Variants in SYNDIG1 observed in about 807,000 individuals in gnomAD.
The protein encoded by SYNDIG1 is synapse differentiation inducing 1, also known as synapse differentiation-inducing gene protein 1.
In SYNDIG1, 9 loss-of-function variants were observed where a neutral mutation model predicts 19.4. The observed-to-expected ratio is 0.46, with a 90% CI of 0.28 to 0.81. The LOEUF (loss-of-function observed/expected upper bound fraction) is 0.81, where lower values mean the gene tolerates loss of function less well. Among genes scored for constraint, SYNDIG1 ranks in the 30% least tolerant of loss-of-function variants. The pLI is 0.12. For synonymous variants in SYNDIG1, 141 were observed against 145.9 expected (o/e 0.97, Z 0.24); for missense variants, 311 against 343.3 (o/e 0.91, Z 0.74).
intron 1 of SYNDIG1, among the ~76,000 whole-genome samples, chr20:24,519,735 C>G (rs202018188): frequency 6.6e-6 from 1 of 152,262 alleles, no homozygotes; most frequent in African/African-American, 2.4e-5. Flanking sequence ...ATGCAACCCT[C>G]AGTGCATAGT....
intron 2 of SYNDIG1, among the ~76,000 whole-genome samples, chr20:24,558,926 T>A (rs1011408194): frequency 6.6e-6 from 1 of 152,260 alleles, no homozygotes; most frequent in Admixed American, 6.5e-5. Flanking sequence ...CTTTTAAAAA[T>A]TATAACAAGG....
chr20:24,469,934 G>C (rs908421876), intron 1 of SYNDIG1, among the ~76,000 whole-genome samples, 181 bp downstream of exon 1: 1 of 151,862 alleles, frequency 6.6e-6, no homozygotes, highest in African/African-American at 2.4e-5. Context: ...CGGTAAGTCC[G>C]GGTGGTCGCC....
intron 1 of SYNDIG1, among the ~76,000 whole-genome samples, chr20:24,526,107 C>T (rs540734211): frequency 1.4e-4 from 21 of 152,048 alleles, no homozygotes; most frequent in Non-Finnish European, 2.2e-4. Flanking sequence ...ATTCCATGTC[C>T]GTATGCTTTA....
At chr20:24,502,946 T>A (rs2056491517) in intron 1 of SYNDIG1, among the ~76,000 whole-genome samples, 1 of 152,190 alleles carries the variant, frequency 6.6e-6, no homozygotes, top group South Asian at 2.1e-4. Flanking sequence ...CTCTGGGAAA[T>A]TAAGTAGATA....
rs1030442221 is a variant in SYNDIG1, at chr20:24,658,359, G to A, written c.619-6987G>A. ...ACTGGAGCTCGGTGGAGTGGACTCT[G>A]CCTCGGGGTCACTGAGAACTGGGTC... is the stretch of plus-strand genomic sequence containing the variant. On this transcript the variant is annotated intron_variant, in intron 3 of 3. Coordinates refer to ENST00000376862, the MANE Select transcript of SYNDIG1 (RefSeq NM_024893.3). The surrounding 1 kb of genome is among the most constrained non-coding windows in gnomAD (Gnocchi z 4.4). Among the ~76,000 whole-genome samples the A allele has an allele frequency of 2.6e-5, 4 of 151,982 alleles. No homozygotes were observed. The highest frequency in any genetic ancestry group is 9.7e-5 in the African/African-American group (4 of 41,350).
intron 3 of SYNDIG1, among the ~76,000 whole-genome samples, chr20:24,665,003 T>C (rs3746326): frequency 0.3 from 45,348 of 152,112 alleles, 7,587 homozygotes; most frequent in East Asian, 0.63. Flanking sequence ...TAGAGGAGTC[T>C]TATCTAGCCC....
intron 3 of SYNDIG1, among the ~76,000 whole-genome samples, chr20:24,587,959 A>G (rs2058445574): frequency 6.6e-6 from 1 of 152,248 alleles, no homozygotes; most frequent in Non-Finnish European, 1.5e-5. Context: ...ATGCCAAGCC[A>G]TTACAGAAAA....
chr20:24,665,558 G>A lies in SYNDIG1; in HGVS notation c.*54G>A. The stretch of plus-strand genomic sequence containing the variant: ...GGGGCCAGGTCTGTGTGGACGTGGA[G>A]GAAGCAGGCATACCGCATGATGCTG... On this transcript the variant is annotated 3_prime_UTR_variant, in exon 4 of 4. Transcript: ENST00000376862. 1 of 1,607,618 alleles carries A rather than the reference G, an allele frequency of 6.2e-7. No individual in the cohort carries two copies. The highest frequency in any genetic ancestry group is 1.1e-5 in the South Asian group (1 of 90,020).
intron 1 of SYNDIG1, chr20:24,491,475 C>T (rs944492948): frequency 4.6e-5 from 7 of 152,382 alleles, no homozygotes; most frequent in South Asian, 4.1e-4. Context: ...ATTCTGACAG[C>T]GCAGGGCCTG....
chr20:24,588,897 G>C (rs1249382996), intron 3 of SYNDIG1, among the ~76,000 whole-genome samples: 2 of 150,922 alleles, frequency 1.3e-5, no homozygotes, highest in Non-Finnish European at 3.0e-5. Flanking sequence ...GGAGCTAGCA[G>C]GATGTGCAGG....
intron 3 of SYNDIG1, among the ~76,000 whole-genome samples, chr20:24,642,056 T>G (rs1469836028): frequency 2.0e-5 from 3 of 152,188 alleles, no homozygotes; most frequent in South Asian, 2.1e-4. Context: ...CCATAATAGA[T>G]TCCTTCAAGA....
chr20:24,664,325 C>G (rs1011985463), intron 3 of SYNDIG1, among the ~76,000 whole-genome samples: 2 of 152,142 alleles, frequency 1.3e-5, no homozygotes, highest in Non-Finnish European at 2.9e-5. Context: ...CCCATACTCA[C>G]CTATAAAACC....
intron 2 of SYNDIG1, among the ~76,000 whole-genome samples, chr20:24,571,777 G>GTT (rs1293484389): frequency 6.6e-6 from 1 of 152,124 alleles, no homozygotes; most frequent in African/African-American, 2.4e-5. Context: ...CTATAATTTG[G>GTT]TTTTACACAG....
chr20:24,534,399 T>C (rs1488124960), intron 1 of SYNDIG1, among the ~76,000 whole-genome samples: 3 of 152,166 alleles, frequency 2.0e-5, no homozygotes, highest in Admixed American at 6.5e-5. Context: ...GCTCCGGGGC[T>C]CCTGCCTGGC....
intron 3 of SYNDIG1, among the ~76,000 whole-genome samples, chr20:24,642,854 C>T (rs1248216924): frequency 6.6e-6 from 1 of 152,068 alleles, no homozygotes; most frequent in Non-Finnish European, 1.5e-5. Flanking sequence ...AAGATCTGGG[C>T]ACTGGGTGTG....
At chr20:24,510,158 C>G (rs2056706451) in intron 1 of SYNDIG1, among the ~76,000 whole-genome samples, 1 of 152,184 alleles carries the variant, frequency 6.6e-6, no homozygotes, top group South Asian at 2.1e-4. Context: ...CACCTCATTT[C>G]TTTATAAATT....
intron 1 of SYNDIG1, among the ~76,000 whole-genome samples, chr20:24,535,789 T>C (rs929677415): frequency 2.6e-5 from 4 of 152,178 alleles, no homozygotes; most frequent in Admixed American, 6.5e-5. Flanking sequence ...TGTAGTCTTG[T>C]TATTAAGCAT....
At chr20:24,648,002 T>G (rs1052410045) in intron 3 of SYNDIG1, among the ~76,000 whole-genome samples, 2 of 152,026 alleles carry the variant, frequency 1.3e-5, no homozygotes, top group African/African-American at 4.8e-5. Context: ...CTCACTAGTT[T>G]GCAGAGAGAG....
At chr20:24,529,418 A>C (rs1320598548) in intron 1 of SYNDIG1, among the ~76,000 whole-genome samples, 1 of 151,848 alleles carries the variant, frequency 6.6e-6, no homozygotes, top group Non-Finnish European at 1.5e-5. Flanking sequence ...TTTTTCTGTA[A>C]AGAGTCAGAT....
Sources: allele counts gnomAD v4.1 joint callset (sites outside exome capture counted in the v4.1 genomes callset), GRCh38; gene constraint gnomAD v4.1.1; non-coding constraint Gnocchi (gnomAD v3.1); transcripts MANE v1.5; gene names NCBI Gene and HGNC (gene_info 2026-07-23, HGNC 2026-07-21).